The following FIGN variants were observed in gnomAD, a reference collection of about 807,000 sequenced individuals.
FIGN encodes fidgetin, microtubule severing factor, also known as fidgetin.
FIGN carries 11 observed loss-of-function variants against 51.3 expected under a neutral mutation model. That is an observed-to-expected ratio of 0.21 (90% CI 0.13 to 0.35). The LOEUF is 0.35. Ranked by LOEUF, FIGN falls within the 10% of genes least tolerant of loss-of-function variation. The pLI, the probability that FIGN is intolerant of heterozygous loss-of-function variation, is 1.00. For missense variants in FIGN, 857 were observed against 943.6 expected, an observed-to-expected ratio of 0.91 and a Z score of 1.20; for synonymous variants, 407 against 363.2, an observed-to-expected ratio of 1.12 and a Z score of -1.37.
intron 2 of FIGN, among the ~76,000 whole-genome samples, chr2:163,675,472 G>A (rs533335735): frequency 2.1e-4 from 32 of 152,256 alleles, no homozygotes; most frequent in African/African-American, 7.5e-4. Context: ...TGCAAATTCA[G>A]AGCCCTAGAG....
chr2:163,651,815 C>T (rs1683481767), intron 2 of FIGN, among the ~76,000 whole-genome samples: 1 of 152,174 alleles, frequency 6.6e-6, no homozygotes, highest in Non-Finnish European at 1.5e-5. Context: ...TTATGTTGTA[C>T]AACACCGTAC....
chr2:163,696,987 A>T (rs377172415), intron 2 of FIGN, among the ~76,000 whole-genome samples: 1 of 151,624 alleles, frequency 6.6e-6, no homozygotes, highest in East Asian at 2.0e-4. Flanking sequence ...CCCATTTTGG[A>T]GACTAGGATA....
rs1165378479 is a variant in FIGN at position 163,607,926 on chromosome 2, G to GA, written c.*1625dup. The GA allele has an allele frequency of 2.0e-5, 3 of 152,632 alleles. No individual in the cohort carries two copies. Among genetic ancestry groups the GA allele is most frequent in the African/African-American group, 7.2e-5 (3 of 41,432 alleles). 9.5% of individuals were successfully genotyped at this position (152,632 alleles called of 1,614,324 possible). On this transcript the variant is annotated 3_prime_UTR_variant, in exon 3 of 3. Transcript: ENST00000333129. Reference sequence around the variant, plus strand: ...AAGAACAACTTGACAGAGAGCAGGAGAAAAATAGGAAATTAAGAAAAATGC... The same window carrying GA: ...AAGAACAACTTGACAGAGAGCAGGAGAAAAAATAGGAAATTAAGAAAAATGC...
chr2:163,666,757 G>T (rs1683779687), intron 2 of FIGN, among the ~76,000 whole-genome samples: 1 of 151,860 alleles, frequency 6.6e-6, no homozygotes, highest in Admixed American at 6.6e-5. Flanking sequence ...CAGAAATGAG[G>T]ACACAAAGCC....
chr2:163,662,692 G>C (rs953033480), intron 2 of FIGN, among the ~76,000 whole-genome samples: 2 of 152,192 alleles, frequency 1.3e-5, no homozygotes, highest in African/African-American at 2.4e-5. Flanking sequence ...GCCAGGGGTG[G>C]AATGATATGG....
chr2:163,704,650 TCTCTCTCACACA>T (rs1412340127), intron 2 of FIGN, among the ~76,000 whole-genome samples: 5 of 132,970 alleles, frequency 3.8e-5, no homozygotes, highest in Non-Finnish European at 8.0e-5. Context: ...TCTCTCTCTC[TCTCTCTCACACA>T]CACACACACA....
intron 2 of FIGN, chr2:163,617,008 G>T: frequency 1.5e-6 from 1 of 654,996 alleles, no homozygotes; most frequent in Non-Finnish European, 1.9e-6. Flanking sequence ...TTCTTCAATG[G>T]GAGTGATGAC....
intron 2 of FIGN, among the ~76,000 whole-genome samples, chr2:163,715,374 G>A (rs1287582201): frequency 2.0e-5 from 3 of 152,190 alleles, no homozygotes; most frequent in Non-Finnish European, 4.4e-5. Context: ...GAGCATGCCA[G>A]CCAGAAGGGT....
chr2:163,669,322 C>A (rs1024901444), intron 2 of FIGN, among the ~76,000 whole-genome samples: 1 of 152,148 alleles, frequency 6.6e-6, no homozygotes, highest in Non-Finnish European at 1.5e-5. Flanking sequence ...AGTGATCCTC[C>A]TGGCTCATCC....
chr2:163,608,695 G>T lies in FIGN; in HGVS notation c.*857C>A, dbSNP rs553338092. On this transcript the variant is annotated 3_prime_UTR_variant, in exon 3 of 3. Coordinates refer to ENST00000333129, the MANE Select transcript of FIGN (RefSeq NM_018086.4). ...GGTTAATTCCCCATAATTAGTAAAA[G>T]AACTTAAAAAAATCCTTCCATTTCT... 7 of 152,238 alleles carry T rather than the reference G, an allele frequency of 4.6e-5. No individual in the cohort carries two copies. Among genetic ancestry groups the T allele is most frequent in the East Asian group, 1.9e-4 (1 of 5,194 alleles). 9.4% of individuals were successfully genotyped at this position (152,238 alleles called of 1,614,324 possible).
chr2:163,722,496 A>G (rs1258796588), intron 2 of FIGN, among the ~76,000 whole-genome samples: 1 of 152,228 alleles, frequency 6.6e-6, no homozygotes, highest in Non-Finnish European at 1.5e-5. Flanking sequence ...AGAGTCTAAT[A>G]TTTTATGATT....
chr2:163,681,622 C>T (rs138864962), intron 2 of FIGN, among the ~76,000 whole-genome samples: 50 of 152,192 alleles, frequency 3.3e-4, no homozygotes, highest in Admixed American at 1.2e-3. Context: ...ACGCCTGGCA[C>T]GATTTTGAAG....
intron 2 of FIGN, among the ~76,000 whole-genome samples, chr2:163,651,355 G>A (rs536835882): frequency 2.0e-5 from 3 of 152,178 alleles, no homozygotes; most frequent in Middle Eastern, 3.4e-3. Context: ...CCAGCTACTC[G>A]GTAGGCTGAG....
At chr2:163,669,637 C>T (rs1450761081) in intron 2 of FIGN, among the ~76,000 whole-genome samples, 1 of 152,206 alleles carries the variant, frequency 6.6e-6, no homozygotes, top group Non-Finnish European at 1.5e-5. Flanking sequence ...CTTTCAGTCA[C>T]AGCAAAGCTG....
intron 2 of FIGN, among the ~76,000 whole-genome samples, chr2:163,717,406 C>A (rs180873202): frequency 6.6e-6 from 1 of 151,970 alleles, no homozygotes; most frequent in African/African-American, 2.4e-5. Context: ...AACCTAAAAG[C>A]GTTTTCTACT....
rs1691120130 is a variant in FIGN, at chr2:163,606,734, C to G, written c.*2818G>C. On this transcript the variant is annotated 3_prime_UTR_variant, in exon 3 of 3. Coordinates refer to ENST00000333129, the MANE Select transcript of FIGN (RefSeq NM_018086.4). ...AGGAGAGCACTATCTACTCAAAGGT[C>G]AGCCATATCTCCTCCAACAGATCTT... The G allele has an allele frequency of 6.6e-6, 1 of 152,210 alleles. No individual in the cohort carries two copies. The highest frequency in any genetic ancestry group is 1.5e-5 in the Non-Finnish European group (1 of 68,046). 9.4% of individuals were successfully genotyped at this position (152,210 alleles called of 1,614,324 possible).
chr2:163,613,911 T>C (rs912616895), intron 2 of FIGN, among the ~76,000 whole-genome samples: 1 of 152,176 alleles, frequency 6.6e-6, no homozygotes, highest in Non-Finnish European at 1.5e-5. Flanking sequence ...TGTAACTTAA[T>C]CAACCTAAAT....
At chr2:163,628,494 C>T (rs192675208) in intron 2 of FIGN, among the ~76,000 whole-genome samples, 1 of 152,226 alleles carries the variant, frequency 6.6e-6, no homozygotes, top group Admixed American at 6.5e-5. Flanking sequence ...ATTCAGATTG[C>T]AAAGGGACTT....
At position 163,609,662 on chromosome 2, in the gene FIGN, C is replaced by T. The variant is rs202007179; in HGVS notation, c.2170G>A (p.Val724Ile). ...SAIMPSQLRP[V>I]TYQDFENAFC... ...GCATTTTCAAAGTCTTGATATGTAA[C>T]GGGCCTCAACTGGCTGGGCATAATG... The change falls in exon 3 of 3, where the codon GTT becomes ATT. Residue 724 changes from valine to isoleucine, a missense_variant. This residue lies in a region of FIGN where 799 missense variants were observed against 849.5 expected (regional missense o/e 0.94). Coordinates refer to ENST00000333129, the MANE Select transcript of FIGN (RefSeq NM_018086.4). The T allele has an allele frequency of 1.3e-4, 214 of 1,614,002 alleles. 2 individuals carry two copies. The highest frequency in any genetic ancestry group is 1.2e-3 in the East Asian group (54 of 44,856).
Sources: allele counts gnomAD v4.1 joint callset (sites outside exome capture counted in the v4.1 genomes callset), GRCh38; gene constraint gnomAD v4.1.1; regional missense constraint gnomAD v4.1.1; transcripts MANE v1.5; gene names NCBI Gene and HGNC (gene_info 2026-07-23, HGNC 2026-07-21).